SYT17: variants seen among roughly 807,000 people sequenced by gnomAD.
The protein encoded by SYT17 is synaptotagmin-17.
In SYT17, 22 loss-of-function variants were observed where a neutral mutation model predicts 46.7. The observed-to-expected ratio is 0.47, with a 90% CI of 0.34 to 0.67. SYT17 has a LOEUF of 0.67. Ranked by LOEUF, SYT17 falls within the 30% of genes least tolerant of loss-of-function variation. The probability of loss-of-function intolerance (pLI) is 0.01; values close to 1 mark genes in which losing one functional copy is unlikely to be tolerated. For missense variants in SYT17, 519 were observed against 612.8 expected (o/e 0.85, Z 1.62); for synonymous variants, 251 against 248.4 (o/e 1.01, Z -0.10).
At chr16:19,197,604 A>T (rs1965304180) in intron 5 of SYT17, among the ~76,000 whole-genome samples, 1 of 152,074 alleles carries the variant, frequency 6.6e-6, no homozygotes, top group Admixed American at 6.6e-5. Context: ...GTGAGCCACC[A>T]TGCATGGCTA....
At position 19,168,643 on chromosome 16, in the gene SYT17, G is replaced by C. The variant is rs1210697051; in HGVS notation, c.-4G>C. The C allele has an allele frequency of 6.5e-7, 1 of 1,537,864 alleles. No homozygotes were observed. On this transcript the variant is annotated 5_prime_UTR_variant, in exon 1 of 8. Transcript: ENST00000355377. The surrounding 1 kb of genome is among the most constrained non-coding windows in gnomAD (Gnocchi z 6.9). ...CGGGCCGGAGTGAGTGCGCGCGGGC[G>C]AAAATGGCGTACATCCAGGTAGGGC...
At chr16:19,185,252 G>C (rs1012808811) in intron 5 of SYT17, among the ~76,000 whole-genome samples, 2 of 152,092 alleles carry the variant, frequency 1.3e-5, no homozygotes, top group African/African-American at 4.8e-5. Flanking sequence ...GGGAGATGGA[G>C]AAACAGGGGA....
At chr16:19,226,522 C>T (rs1241153104) in intron 7 of SYT17, among the ~76,000 whole-genome samples, 1 of 152,182 alleles carries the variant, frequency 6.6e-6, no homozygotes, top group Non-Finnish European at 1.5e-5. Context: ...TTCTCAAGGC[C>T]TGTCACCCAT....
intron 5 of SYT17, among the ~76,000 whole-genome samples, chr16:19,221,203 AAAAAAG>A (rs1426454000): frequency 1.8e-3 from 271 of 150,838 alleles, no homozygotes; most frequent in African/African-American, 5.6e-3. Flanking sequence ...AAAAAAAAAA[AAAAAAG>A]AGAGAGAGAG....
At position 19,220,303 on chromosome 16, in the gene SYT17, C is replaced by CTTTCTTTTTTTTT. The variant is rs776097400; in HGVS notation, c.952-2739_952-2738insCTTTTTTTTTTTT. 5.7e-3 allele frequency among the ~76,000 whole-genome samples: 462 copies of CTTTCTTTTTTTTT among 80,488 alleles called. 26 individuals carry two copies. Among genetic ancestry groups the CTTTCTTTTTTTTT allele is most frequent in the East Asian group, 0.044 (90 of 2,040 alleles). The allele number at this position is 80,488 out of a possible 152,430, so 52.8% of individuals were successfully genotyped here. A position where few individuals can be genotyped will look rare whatever the true frequency, so the allele number is the denominator to read the frequency against. ...TTCAATGACATTTCTTTCTTTCTTT[C>CTTTCTTTTTTTTT]TTTTTTTTTTTTTTTTTGAGATGAA... On this transcript the variant is annotated intron_variant, in intron 5 of 7. Coordinates refer to ENST00000355377, the MANE Select transcript of SYT17 (RefSeq NM_016524.4).
intron 7 of SYT17, chr16:19,250,029 T>C: frequency 6.5e-7 from 1 of 1,535,886 alleles, no homozygotes; most frequent in South Asian, 1.2e-5. Flanking sequence ...GAAATGAACA[T>C]TTCCATGGCA....
chr16:19,232,092 G>A (rs765051215), intron 7 of SYT17, among the ~76,000 whole-genome samples: 16 of 152,298 alleles, frequency 1.1e-4, no homozygotes, highest in East Asian at 5.8e-4. Context: ...TGAGGCTGAC[G>A]TCATACTTCA....
intron 5 of SYT17, among the ~76,000 whole-genome samples, chr16:19,220,554 C>G (rs1388628498): frequency 2.0e-5 from 3 of 152,068 alleles, no homozygotes; most frequent in African/African-American, 7.2e-5. Flanking sequence ...CCACGTTGGC[C>G]TCCCAAAGTG....
chr16:19,183,736 G>C lies in SYT17; in HGVS notation c.540G>C (p.Leu180=), dbSNP rs531896780. 1 of 1,614,180 alleles carries C rather than the reference G, an allele frequency of 6.2e-7. No homozygotes were observed. The change falls in exon 5 of 8, where the codon CTG becomes CTC. Residue 180 remains leucine, a synonymous_variant. Coordinates refer to ENST00000355377, the MANE Select transcript of SYT17 (RefSeq NM_016524.4). The surrounding 1 kb of genome is among the most constrained non-coding windows in gnomAD (Gnocchi z 5.6). ...DVDSLTDEEI[L]SKYQLGMLHF... is the part of the protein sequence containing the mutation. ...ACTCTCTGACAGACGAGGAGATCCT[G>C]TCCAAGTACCAGCTGGGCATGCTGC...
At chr16:19,180,230 G>A (rs1964491920) in intron 3 of SYT17, 161 bp from the exon 4 acceptor site, 2 of 659,166 alleles carry the variant, frequency 3.0e-6, no homozygotes, top group Admixed American at 5.6e-5. Context: ...GCAAGACGTT[G>A]TTGAGAGTTT....
chr16:19,261,557 T>C (rs1968977965), intron 7 of SYT17, among the ~76,000 whole-genome samples: 1 of 152,232 alleles, frequency 6.6e-6, no homozygotes, highest in Non-Finnish European at 1.5e-5. Flanking sequence ...TATTTTTCCT[T>C]TGTTTTCTTT....
chr16:19,176,549 G>A (rs769215660), intron 3 of SYT17, among the ~76,000 whole-genome samples: 12 of 152,156 alleles, frequency 7.9e-5, no homozygotes, highest in Non-Finnish European at 1.2e-4. Context: ...GTAAATGAAC[G>A]GGCACGTCTG....
chr16:19,206,279 C>G (rs1437580287), intron 5 of SYT17, among the ~76,000 whole-genome samples: 1 of 152,116 alleles, frequency 6.6e-6, no homozygotes, highest in East Asian at 1.9e-4. Context: ...GTCATGTGAA[C>G]AAACGGAAAC....
At chr16:19,172,171 G>C (rs1490188233) in intron 1 of SYT17, 1 of 227,342 alleles carries the variant, frequency 4.4e-6, no homozygotes, top group East Asian at 1.5e-4. Context: ...GCGGGGTGGG[G>C]CCACAACAGG....
In SYT17 at chr16:19,185,281, G is replaced by T. The variant is rs564302184; in HGVS notation, c.951+1134G>T. ...CAGGGGAGGGGGCTTTGGCCACCAT[G>T]AGGTCAATAAGAGCTGCCTTCCAGG... On this transcript the variant is annotated intron_variant, in intron 5 of 7. Transcript: ENST00000355377. Among the ~76,000 whole-genome samples the T allele has an allele frequency of 8.5e-5, 13 of 152,290 alleles. No individual in the cohort carries two copies. In the South Asian group the frequency reaches 2.7e-3, roughly 32 times the overall value.
chr16:19,168,813 C>A lies in SYT17; in HGVS notation c.15+152C>A. 3 of 1,045,682 alleles carry A rather than the reference C, an allele frequency of 2.9e-6. No individual in the cohort carries two copies. Among genetic ancestry groups the A allele is most frequent in the Non-Finnish European group, 4.0e-6 (3 of 751,704 alleles). 64.8% of individuals were successfully genotyped at this position (1,045,682 alleles called of 1,614,324 possible). A position where few individuals can be genotyped will look rare whatever the true frequency, so the allele number is the denominator to read the frequency against. ...GCCCGTGCGCGGGCAACCTGTGCAG[C>A]AACAGGGGTGCGCCCCGGGAGGAGA... On this transcript the variant is annotated intron_variant, in intron 1 of 7. Coordinates refer to ENST00000355377, the MANE Select transcript of SYT17 (RefSeq NM_016524.4). This position sits in a 1 kb window ranked among gnomAD's most constrained non-coding sequence, Gnocchi z 6.9.
intron 4 of SYT17, among the ~76,000 whole-genome samples, chr16:19,181,097 G>A (rs929427283): frequency 1.3e-5 from 2 of 152,218 alleles, no homozygotes; most frequent in African/African-American, 4.8e-5. Flanking sequence ...AGCTGTATGG[G>A]ATTGGGGGCT....
intron 5 of SYT17, among the ~76,000 whole-genome samples, chr16:19,191,987 T>C (rs1596921990): frequency 1.3e-5 from 2 of 152,322 alleles, no homozygotes; most frequent in East Asian, 3.9e-4. Flanking sequence ...GGTTTCACCA[T>C]GTTAGCCAGG....
At chr16:19,253,909 A>C (rs1438821340) in intron 7 of SYT17, among the ~76,000 whole-genome samples, 1 of 152,062 alleles carries the variant, frequency 6.6e-6, no homozygotes, top group Non-Finnish European at 1.5e-5. Context: ...TTGTATTTTT[A>C]GTAGAGATGG....
Sources: allele counts gnomAD v4.1 joint callset (sites outside exome capture counted in the v4.1 genomes callset), GRCh38; gene constraint gnomAD v4.1.1; non-coding constraint Gnocchi (gnomAD v3.1); transcripts MANE v1.5; gene names NCBI Gene and HGNC (gene_info 2026-07-23, HGNC 2026-07-21).